Variants in CECR2 observed in about 807,000 individuals in gnomAD.
The protein encoded by CECR2 is CECR2 histone acetyl-lysine reader.
Under a neutral mutation model 154.5 loss-of-function variants are expected in CECR2, and 30 were observed. The observed-to-expected ratio is 0.19, with a 90% CI of 0.15 to 0.26. CECR2 has a LOEUF of 0.26. CECR2 is among the 10% of genes least tolerant of loss of function. The probability of loss-of-function intolerance (pLI) is 1.00; values close to 1 mark genes in which losing one functional copy is unlikely to be tolerated. For missense variants in CECR2, 1,743 were observed against 1,829.3 expected, an observed-to-expected ratio of 0.95 and a Z score of 0.86; for synonymous variants, 725 against 683.7, an observed-to-expected ratio of 1.06 and a Z score of -0.94.
intron 8 of CECR2, among the ~76,000 whole-genome samples, chr22:17,521,126 C>T (rs542325853): frequency 5.3e-5 from 8 of 152,282 alleles, no homozygotes; most frequent in East Asian, 1.9e-4. Context: ...TTTTAATGAT[C>T]GCCATTCTAA....
intron 2 of CECR2, among the ~76,000 whole-genome samples, chr22:17,496,477 G>A (rs1411679680): frequency 6.6e-6 from 1 of 151,568 alleles, no homozygotes; most frequent in East Asian, 1.9e-4. Flanking sequence ...TCCAGCCTGG[G>A]TGACAGAGCG....
chr22:17,488,400 G>A (rs932181240), intron 2 of CECR2, among the ~76,000 whole-genome samples: 2 of 152,186 alleles, frequency 1.3e-5, no homozygotes, highest in African/African-American at 4.8e-5. Context: ...CTATCCTACT[G>A]AAGAAAATAG....
intron 16 of CECR2, among the ~76,000 whole-genome samples, chr22:17,545,968 C>T (rs2056607608): frequency 6.6e-6 from 1 of 151,924 alleles, no homozygotes; most frequent in Non-Finnish European, 1.5e-5. Flanking sequence ...GGAAGGATTG[C>T]TTGAACCCTG....
intron 17 of CECR2, among the ~76,000 whole-genome samples, chr22:17,551,802 GA>G (rs893754120): frequency 0.016 from 2,346 of 145,218 alleles, 53 homozygotes; most frequent in African/African-American, 0.055. Context: ...GTCTCTAAAA[GA>G]AAAAAAAAAA....
At chr22:17,407,620 G>A (rs149633741) in intron 1 of CECR2, among the ~76,000 whole-genome samples, 2 of 151,968 alleles carry the variant, frequency 1.3e-5, no homozygotes, top group East Asian at 3.9e-4. Flanking sequence ...ATGAATTAGA[G>A]GGCCTTATTT....
At chr22:17,506,917 G>A (rs942584520) in intron 7 of CECR2, among the ~76,000 whole-genome samples, 2 of 152,168 alleles carry the variant, frequency 1.3e-5, no homozygotes, top group Non-Finnish European at 2.9e-5. Context: ...GGCCTCCCAA[G>A]TGTTATGATT....
At chr22:17,484,833 A>G (rs1280074429) in intron 2 of CECR2, among the ~76,000 whole-genome samples, 1 of 152,190 alleles carries the variant, frequency 6.6e-6, no homozygotes, top group Non-Finnish European at 1.5e-5. Context: ...AGCCGAGATC[A>G]TGCCACAGCA....
intron 1 of CECR2, among the ~76,000 whole-genome samples, chr22:17,434,567 T>G (rs1431407041): frequency 6.6e-6 from 1 of 152,132 alleles, no homozygotes; most frequent in Non-Finnish European, 1.5e-5. Context: ...GGCTGCTGCC[T>G]TAATCACTTT....
chr22:17,476,484 T>G (rs1242296941), intron 1 of CECR2, among the ~76,000 whole-genome samples: 1 of 151,814 alleles, frequency 6.6e-6, no homozygotes, highest in Non-Finnish European at 1.5e-5. Flanking sequence ...CTGGTCTCAA[T>G]CTCTTGACCT....
intron 1 of CECR2, among the ~76,000 whole-genome samples, chr22:17,452,099 G>T (rs1045862697): frequency 6.6e-6 from 1 of 152,114 alleles, no homozygotes; most frequent in Non-Finnish European, 1.5e-5. Context: ...TTGAGACAGG[G>T]TCTGGCTCTT....
intron 1 of CECR2, among the ~76,000 whole-genome samples, chr22:17,404,499 C>G (rs543185585): frequency 0.022 from 3,012 of 137,366 alleles, 255 homozygotes; most frequent in African/African-American, 0.079. Flanking sequence ...TCAGCCTCCC[C>G]AGTAGCTGGG....
In CECR2 at chr22:17,498,396, A is replaced by AAG. The variant is rs11389900; in HGVS notation, c.405+811_405+812insGA. ...ACAGAGCGAGACTCCGTCTTTAAAA[A>AAG]AAAAAAAAAGTATATCCTCAAGGGA... is the stretch of plus-strand genomic sequence containing the variant. On this transcript the variant is annotated intron_variant, in intron 3 of 18. Transcript: ENST00000262608. Among the ~76,000 whole-genome samples the AAG allele has an allele frequency of 5.0e-3, 761 of 151,764 alleles. 8 individuals carry two copies. The highest frequency in any genetic ancestry group is 0.018 in the African/African-American group (729 of 41,364).
rs144583651 is a variant in CECR2 at position 17,501,401 on chromosome 22, A to G, written c.650+666A>G. Among the ~76,000 whole-genome samples, 398 of 152,254 alleles carry G rather than the reference A, an allele frequency of 2.6e-3. 13 individuals carry two copies. The highest frequency in any genetic ancestry group is 0.023 in the Admixed American group (355 of 15,286). On this transcript the variant is annotated intron_variant, in intron 5 of 18. Coordinates refer to ENST00000262608, the MANE Select transcript of CECR2 (RefSeq NM_001290047.2). The stretch of plus-strand genomic sequence containing the variant: ...GTGAAACCCCGTCTCTACTAAAAAT[A>G]CAAAAAATTAGCCAGTCGTGGTGGC...
chr22:17,447,033 C>CTTTTTTTTTTTTTTTTT lies in CECR2; in HGVS notation c.127-30552_127-30536dup, dbSNP rs1555910503. On this transcript the variant is annotated intron_variant, in intron 1 of 18. Transcript: ENST00000262608. ...GAGTGCTGAGTGGTGCGTTTACAAT[C>CTTTTTTTTTTTTTTTTT]TTTTTTTTTTTTTTTTTTTGAGACA... Among the ~76,000 whole-genome samples the CTTTTTTTTTTTTTTTTT allele has an allele frequency of 3.5e-5, 4 of 114,104 alleles. 1 individual carries two copies. Among genetic ancestry groups the CTTTTTTTTTTTTTTTTT allele is most frequent in the African/African-American group, 1.5e-4 (4 of 26,696 alleles). 74.9% of individuals were successfully genotyped at this position (114,104 alleles called of 152,430 possible).
intron 1 of CECR2, among the ~76,000 whole-genome samples, chr22:17,460,576 A>G (rs1313115547): frequency 6.6e-6 from 1 of 152,188 alleles, no homozygotes; most frequent in Non-Finnish European, 1.5e-5. Flanking sequence ...CCAGTGACCC[A>G]GGTGTCTTGA....
chr22:17,470,885 TC>T (rs2055115948), intron 1 of CECR2, among the ~76,000 whole-genome samples: 2 of 152,326 alleles, frequency 1.3e-5, no homozygotes, highest in South Asian at 4.1e-4. Context: ...TTCTTTCTTT[TC>T]TTTGTTCAAA....
At chr22:17,526,672 G>A (rs920153635) in intron 9 of CECR2, among the ~76,000 whole-genome samples, 2 of 151,976 alleles carry the variant, frequency 1.3e-5, no homozygotes, top group African/African-American at 2.4e-5. Context: ...AGCCGGGCAC[G>A]GTGGCAGGCA....
chr22:17,394,947 A>G (rs748189901), intron 1 of CECR2, among the ~76,000 whole-genome samples: 1 of 152,142 alleles, frequency 6.6e-6, no homozygotes, highest in Non-Finnish European at 1.5e-5. Context: ...TTTTTTAAAA[A>G]TCAATTTTAT....
chr22:17,473,808 G>A (rs184899951), intron 1 of CECR2, among the ~76,000 whole-genome samples: 13 of 152,242 alleles, frequency 8.5e-5, no homozygotes, highest in African/African-American at 2.4e-4. Flanking sequence ...AAACTGTTTC[G>A]TCTTCCAAAT....
Sources: gnomAD v4.1 joint callset for allele counts (sites outside exome capture counted in the v4.1 genomes callset) on GRCh38, gnomAD v4.1.1 for gene constraint, MANE v1.5 for transcripts, NCBI Gene and HGNC (gene_info 2026-07-23, HGNC 2026-07-21) for gene names.